FAM169A: variants seen among roughly 807,000 people sequenced by gnomAD.
The protein encoded by FAM169A is soluble lamin-associated protein of 75 kDa.
FAM169A carries 24 observed loss-of-function variants against 75.7 expected under a neutral mutation model. The observed-to-expected ratio is 0.32, with a 90% CI of 0.23 to 0.45. The LOEUF is 0.45. Among genes scored for constraint, FAM169A ranks in the 20% least tolerant of loss-of-function variants. FAM169A has a pLI of 1.00. For missense variants in FAM169A, 673 were observed against 784.0 expected, an observed-to-expected ratio of 0.86 and a Z score of 1.69; for synonymous variants, 271 against 271.0, an observed-to-expected ratio of 1.00 and a Z score of 0.00.
intron 12 of FAM169A, among the ~76,000 whole-genome samples, chr5:74,782,374 T>TCA (rs2112451937): frequency 6.6e-6 from 1 of 152,350 alleles, no homozygotes; most frequent in African/African-American, 2.4e-5. Flanking sequence ...CCTTGGGACT[T>TCA]CACTGCGCTA....
At position 74,834,478 on chromosome 5, in the gene FAM169A, C is replaced by A; in HGVS notation, c.438G>T (p.Lys146Asn). The change falls in exon 5 of 13, where the codon AAG (lysine) becomes AAT (asparagine). Residue 146 changes from lysine to asparagine, a missense_variant. This residue lies in a region of FAM169A where 107 missense variants were observed against 180.8 expected (regional missense o/e 0.59). Transcript: ENST00000687041. The part of the protein sequence containing the change: ...FLCHSSTDYA[K>N]ILWKKGEAIG... ...TGGCCTCTCCTTTCTTCCACAGAAT[C>A]TTAGCATAATCAGTACTGCTATGAC... The A allele has an allele frequency of 6.3e-7, 1 of 1,586,384 alleles. No homozygotes were observed. The highest frequency in any genetic ancestry group is 8.6e-7 in the Non-Finnish European group (1 of 1,165,772).
intron 4 of FAM169A, among the ~76,000 whole-genome samples, chr5:74,837,510 C>G (rs921618578): frequency 2.0e-5 from 3 of 152,222 alleles, no homozygotes; most frequent in Admixed American, 6.5e-5. Context: ...ATCCTCCCAT[C>G]TCTTTCAAAG....
At chr5:74,810,663 T>G (rs1038334081) in intron 6 of FAM169A, among the ~76,000 whole-genome samples, 1 of 138,726 alleles carries the variant, frequency 7.2e-6, no homozygotes, top group Non-Finnish European at 1.5e-5. Context: ...GGCAGGAGAA[T>G]GGTGTGAACC....
intron 4 of FAM169A, among the ~76,000 whole-genome samples, chr5:74,834,921 C>T (rs149702265): frequency 6.6e-6 from 1 of 151,524 alleles, no homozygotes; most frequent in Non-Finnish European, 1.5e-5. Context: ...TCCAGCTGCC[C>T]AGATCCAGGG....
At chr5:74,790,487 G>A (rs1745920457) in intron 11 of FAM169A, among the ~76,000 whole-genome samples, 1 of 152,216 alleles carries the variant, frequency 6.6e-6, no homozygotes, top group Non-Finnish European at 1.5e-5. Flanking sequence ...CAAATTTGGG[G>A]AAGAGGTATG....
At chr5:74,826,741 A>C (rs977856218) in intron 5 of FAM169A, among the ~76,000 whole-genome samples, 1 of 152,232 alleles carries the variant, frequency 6.6e-6, no homozygotes, top group Admixed American at 6.5e-5. Flanking sequence ...CTATATAGCC[A>C]AAATACTATT....
chr5:74,812,611 T>G (rs1398082895), intron 6 of FAM169A, among the ~76,000 whole-genome samples: 1 of 152,124 alleles, frequency 6.6e-6, no homozygotes, highest in Non-Finnish European at 1.5e-5. Flanking sequence ...CTGAAATTTA[T>G]TTTGTTAATT....
At chr5:74,808,676 T>C (rs925331939) in intron 6 of FAM169A, among the ~76,000 whole-genome samples, 9 of 152,168 alleles carry the variant, frequency 5.9e-5, no homozygotes, top group African/African-American at 2.2e-4. Flanking sequence ...GCACACTAAA[T>C]AATATTTTAT....
rs78709455 is a variant in FAM169A at position 74,864,610 on chromosome 5, G to A, written c.-4+1555C>T. 3.8e-3 allele frequency among the ~76,000 whole-genome samples: 580 copies of A among 152,300 alleles called. 4 individuals are homozygous for A. Among genetic ancestry groups the A allele is most frequent in the Non-Finnish European group, 5.9e-3 (398 of 68,034 alleles). ...GGTCAGACTAATTTGAAGCCTTTTA[G>A]AACCTAAAATCCACAGGTAAAACAC... On this transcript the variant is annotated intron_variant, in intron 1 of 12. Transcript: ENST00000687041.
rs1746582437 is a variant in FAM169A, at chr5:74,801,620, G to A, written c.922C>T (p.Leu308=). ...GAAGTGCTTGCAAAGGCATCTTTTA[G>A]AGAATCAATCTAAAAAAGAGAGAGA... The part of the protein sequence containing the change: ...SSEMQLTIDS[L]KDAFASTSEG... Residue 308 remains leucine (L), a synonymous_variant, in exon 9 of 13, where the codon CTA becomes TTA. Transcript: ENST00000687041. 1.2e-6 allele frequency: 2 copies of A among 1,609,852 alleles called. No homozygotes were observed. Among genetic ancestry groups the A allele is most frequent in the African/African-American group, 1.3e-5 (1 of 74,746 alleles).
chr5:74,801,748 T>G (rs568356984), intron 8 of FAM169A, 119 bp from the exon 9 acceptor site: 7 of 725,414 alleles, frequency 9.6e-6, no homozygotes, highest in African/African-American at 5.3e-5. Context: ...CACTTTTTGT[T>G]AACAACATTT....
intron 5 of FAM169A, among the ~76,000 whole-genome samples, chr5:74,831,776 T>G (rs1291722480): frequency 6.6e-6 from 1 of 152,164 alleles, no homozygotes; most frequent in Non-Finnish European, 1.5e-5. Flanking sequence ...CGTCAAGTTA[T>G]AAATCATTTT....
intron 11 of FAM169A, among the ~76,000 whole-genome samples, chr5:74,786,518 A>G (rs1745701865): frequency 6.6e-6 from 1 of 152,170 alleles, no homozygotes; most frequent in African/African-American, 2.4e-5. Context: ...GACACTCCTG[A>G]TACACCGCTC....
intron 6 of FAM169A, among the ~76,000 whole-genome samples, chr5:74,810,238 T>G (rs912177435): frequency 6.6e-6 from 1 of 152,186 alleles, no homozygotes; most frequent in African/African-American, 2.4e-5. Context: ...ATTTCCATTT[T>G]TCATGAAACT....
chr5:74,853,414 C>A (rs1034647506), intron 1 of FAM169A, among the ~76,000 whole-genome samples: 1 of 152,120 alleles, frequency 6.6e-6, no homozygotes, highest in African/African-American at 2.4e-5. Flanking sequence ...AATGAGGAGC[C>A]TCAGATGTGG....
At chr5:74,828,680 G>A (rs1748157434) in intron 5 of FAM169A, among the ~76,000 whole-genome samples, 1 of 152,178 alleles carries the variant, frequency 6.6e-6, no homozygotes, top group South Asian at 2.1e-4. Context: ...GGTGCTTCCT[G>A]CCTTGGGCAA....
At chr5:74,799,157 T>C in intron 10 of FAM169A, 1 of 1,050,768 alleles carries the variant, frequency 9.5e-7, no homozygotes, top group Non-Finnish European at 1.5e-6. Flanking sequence ...AATGGACACA[T>C]CACAGATATT....
At position 74,801,570 on chromosome 5, in the gene FAM169A, A is replaced by AC. The variant is rs1746579904; in HGVS notation, c.952+19_952+20insG. 6.3e-7 allele frequency: 1 copy of AC among 1,581,852 alleles called. No individual in the cohort carries two copies. Among genetic ancestry groups the AC allele is most frequent in the African/African-American group, 1.3e-5 (1 of 74,172 alleles). ...TGAAGTGTCTCAAATACTTACTGAT[A>AC]TATCAGTTGAATTTCTTACCTTCGG... is the stretch of plus-strand genomic sequence containing the variant. On this transcript the variant is annotated intron_variant, in intron 9 of 12. Transcript: ENST00000687041.
chr5:74,820,453 C>T (rs1023265354), intron 5 of FAM169A, among the ~76,000 whole-genome samples: 2 of 152,126 alleles, frequency 1.3e-5, no homozygotes, highest in East Asian at 1.9e-4. Context: ...ACCTAGTTTA[C>T]CAATTTTTTA....
Sources: allele counts gnomAD v4.1 joint callset (sites outside exome capture counted in the v4.1 genomes callset), GRCh38; gene constraint gnomAD v4.1.1; regional missense constraint gnomAD v4.1.1; transcripts MANE v1.5; gene names NCBI Gene and HGNC (gene_info 2026-07-23, HGNC 2026-07-21).